The following FAM131B variants were observed in gnomAD, a reference collection of about 807,000 sequenced individuals.
FAM131B encodes protein FAM131B.
FAM131B carries 19 observed loss-of-function variants against 42.0 expected under a neutral mutation model. That is an observed-to-expected ratio of 0.45 (90% CI 0.32 to 0.66). The LOEUF is 0.66. Ranked by LOEUF, FAM131B falls within the 30% of genes least tolerant of loss-of-function variation. The pLI, the probability that FAM131B is intolerant of heterozygous loss-of-function variation, is 0.05. For missense variants in FAM131B, 370 were observed against 468.4 expected (o/e 0.79, Z 1.94); for synonymous variants, 183 against 177.6 (o/e 1.03, Z -0.24).
the FAM131B span, chr7:143,382,136 C>G: frequency 1.4e-5 from 13 of 939,036 alleles, no homozygotes; most frequent in Non-Finnish European, 2.0e-5. Flanking sequence ...TCCCCACACG[C>G]TCTGGGACCC....
chr7:143,372,982 TAATAAATA>T, the FAM131B span, among the ~76,000 whole-genome samples: 39 of 151,776 alleles, frequency 2.6e-4, no homozygotes, highest in Middle Eastern at 3.4e-3. Context: ...AAAATAATAA[TAATAAATA>T]AATAAATAAA....
the FAM131B span, among the ~76,000 whole-genome samples, chr7:143,376,585 C>T: frequency 6.6e-6 from 1 of 152,216 alleles, no homozygotes; most frequent in Non-Finnish European, 1.5e-5. Context: ...CAACCTTGGC[C>T]TTGACTGCAA....
At chr7:143,370,510 G>A in the FAM131B span, among the ~76,000 whole-genome samples, 1 of 152,168 alleles carries the variant, frequency 6.6e-6, no homozygotes, top group Admixed American at 6.5e-5. Flanking sequence ...AGGTCATAAA[G>A]ATCTTGCTGA....
At chr7:143,357,924 G>A (rs1189787680) in intron 5 of FAM131B, among the ~76,000 whole-genome samples, 1 of 152,118 alleles carries the variant, frequency 6.6e-6, no homozygotes, top group East Asian at 1.9e-4. Flanking sequence ...CTTCTGATGA[G>A]ATATCCTAAG....
chr7:143,368,755 C>T, the FAM131B span, among the ~76,000 whole-genome samples: 3 of 152,200 alleles, frequency 2.0e-5, no homozygotes, highest in Admixed American at 1.3e-4. Flanking sequence ...TTCTGAGTTC[C>T]CCAGTTCTTT....
At chr7:143,367,793 T>C in the FAM131B span, among the ~76,000 whole-genome samples, 1 of 152,220 alleles carries the variant, frequency 6.6e-6, no homozygotes, top group African/African-American at 2.4e-5. Context: ...CACACCTCCA[T>C]GAGCCAAAGC....
the FAM131B span, among the ~76,000 whole-genome samples, chr7:143,378,222 C>G: frequency 1.1e-4 from 17 of 152,230 alleles, no homozygotes; most frequent in Admixed American, 6.5e-5. Context: ...GGTCACATTT[C>G]TCTTTCCATT....
At chr7:143,367,661 C>T (rs1451637517), upstream of FAM131B, among the ~76,000 whole-genome samples, 2 of 152,080 alleles carry the variant, frequency 1.3e-5, no homozygotes, top group Non-Finnish European at 2.9e-5. Context: ...GCCAATATCA[C>T]GCCACTATAC....
At chr7:143,361,261 T>G (rs1586540254) in intron 1 of FAM131B, 1 of 132,268 alleles carries the variant, frequency 7.6e-6, no homozygotes, top group Non-Finnish European at 1.6e-5. Flanking sequence ...CTCCGCGGGG[T>G]GGTGACTGGG....
At chr7:143,381,866 T>C in the FAM131B span, 2 of 1,321,342 alleles carry the variant, frequency 1.5e-6, no homozygotes, top group Non-Finnish European at 2.0e-6. Flanking sequence ...TCTGGAAAGG[T>C]TGTTGCCGAG....
At chr7:143,380,384 C>T in the FAM131B span, 1,234 of 984,924 alleles carry the variant, frequency 1.3e-3, no homozygotes, top group Middle Eastern at 2.6e-3. The surrounding 1 kb of genome is among the most constrained non-coding windows in gnomAD (Gnocchi z 5.0). Context: ...CACCGTCGCC[C>T]GGGGTCTCCA....
the FAM131B span, among the ~76,000 whole-genome samples, chr7:143,369,687 A>AAAG: frequency 1.3e-5 from 2 of 151,692 alleles, no homozygotes; most frequent in Non-Finnish European, 2.9e-5. Context: ...AAAAAAAAAA[A>AAAG]AAGTTTTAAG....
rs1304735429 is a variant in FAM131B at position 143,356,715 on chromosome 7, C to A, written c.918G>T (p.Arg306Ser). ...CCTCTTCCTCCTCAGGTGCCAATGG[C>A]CTCTTCTCCTCCTCAGCAGGGCCCC... ...LARGPAEEEK[R>S]PLAPEEEEDA... The change falls in exon 7 of 7, where the codon AGG (arginine) becomes AGT (serine). Residue 306 changes from arginine to serine, a missense_variant. Transcript: ENST00000443739. This position sits in a 1 kb window ranked among gnomAD's most constrained non-coding sequence, Gnocchi z 4.4. 1 of 1,614,164 alleles carries A rather than the reference C, an allele frequency of 6.2e-7. No homozygotes were observed.
At chr7:143,381,637 G>T in the FAM131B span, 3 of 1,612,160 alleles carry the variant, frequency 1.9e-6, no homozygotes, top group African/African-American at 1.3e-5. Context: ...TTTACGCCCC[G>T]CAGAAGAAGT....
chr7:143,363,632 A>T (rs1461962869), upstream of FAM131B, among the ~76,000 whole-genome samples: 1 of 152,218 alleles, frequency 6.6e-6, no homozygotes, highest in East Asian at 1.9e-4. Context: ...CACTGTGGTT[A>T]CAGCAGGTAA....
At chr7:143,361,895 C>T (rs904774922) in intron 1 of FAM131B, 2 of 256,044 alleles carry the variant, frequency 7.8e-6, no homozygotes, top group Admixed American at 6.5e-5. Flanking sequence ...CCTCCCAGCG[C>T]CTCGAAGCCC....
the FAM131B span, among the ~76,000 whole-genome samples, chr7:143,375,439 C>T: frequency 6.6e-6 from 1 of 152,114 alleles, no homozygotes; most frequent in African/African-American, 2.4e-5. Context: ...AATAGGTCCA[C>T]CTGTTCCCTT....
In FAM131B at chr7:143,357,033, A is replaced by C. The variant is rs753882908; in HGVS notation, c.611-11T>G. ...CTTGAGCCAGGGCATCTGGAAAAAGAATCATGGAGGTCAGTGGGGCCACAG... is the reference window on the plus strand; with the variant it reads ...CTTGAGCCAGGGCATCTGGAAAAAGCATCATGGAGGTCAGTGGGGCCACAG... On this transcript the variant is annotated splice_polypyrimidine_tract_variant and intron_variant, in intron 6 of 6. Transcript: ENST00000443739. The C allele has an allele frequency of 1.4e-5, 22 of 1,591,058 alleles. No homozygotes were observed. Among genetic ancestry groups the C allele is most frequent in the Middle Eastern group, 1.7e-4 (1 of 6,042 alleles).
upstream of FAM131B, among the ~76,000 whole-genome samples, chr7:143,365,035 A>G (rs1804148403): frequency 6.6e-6 from 1 of 152,240 alleles, no homozygotes; most frequent in Admixed American, 6.5e-5. Flanking sequence ...TGGCTCCAAA[A>G]CACAACTTAA....
Sources: allele counts gnomAD v4.1 joint callset (sites outside exome capture counted in the v4.1 genomes callset), GRCh38; gene constraint gnomAD v4.1.1; non-coding constraint Gnocchi (gnomAD v3.1); transcripts MANE v1.5; gene names NCBI Gene and HGNC (gene_info 2026-07-23, HGNC 2026-07-21).